TPPP: variants seen among roughly 807,000 people sequenced by gnomAD.
The protein encoded by TPPP is tubulin polymerization-promoting protein.
Under a neutral mutation model 15.5 loss-of-function variants are expected in TPPP, and 6 were observed. That is an observed-to-expected ratio of 0.39 (90% confidence interval 0.21 to 0.77). The LOEUF (loss-of-function observed/expected upper bound fraction) is 0.77. Ranked by LOEUF, TPPP falls within the 30% of genes least tolerant of loss-of-function variation. TPPP has a pLI of 0.42. For missense variants in TPPP, 269 were observed against 307.2 expected (o/e 0.88, Z 0.93); for synonymous variants, 146 against 133.9 (o/e 1.09, Z -0.63).
chr5:700,192 A>G, the TPPP span, among the ~76,000 whole-genome samples: 1 of 152,014 alleles, frequency 6.6e-6, no homozygotes, highest in Non-Finnish European at 1.5e-5. Context: ...GGATGAACCT[A>G]AGCATCCATC....
rs1739834442 is a variant in TPPP at position 665,009 on chromosome 5, C to T, written c.*93G>A. On this transcript the variant is annotated 3_prime_UTR_variant, in exon 4 of 4. Transcript: ENST00000360578. ...CCCCTCTGGGGCACCCGTCTGAGTT[C>T]TGCCCCAGTTAGTACAGGAATGTAA... The T allele has an allele frequency of 6.9e-7, 1 of 1,449,082 alleles. No individual in the cohort carries two copies. Among genetic ancestry groups the T allele is most frequent in the East Asian group, 2.3e-5 (1 of 43,576 alleles). 89.8% of individuals were successfully genotyped at this position (1,449,082 alleles called of 1,614,324 possible).
chr5:683,931 C>G (rs1422332437), intron 1 of TPPP, among the ~76,000 whole-genome samples: 1 of 152,152 alleles, frequency 6.6e-6, no homozygotes, highest in Admixed American at 6.5e-5. Context: ...AGAACCTTTA[C>G]GCCCAAGTCC....
At chr5:685,002 G>A (rs921091034) in intron 1 of TPPP, among the ~76,000 whole-genome samples, 4 of 152,172 alleles carry the variant, frequency 2.6e-5, no homozygotes, top group African/African-American at 9.7e-5. Flanking sequence ...GGCCGGGGCC[G>A]CCCCAGGACA....
chr5:685,226 G>T (rs1468132393), intron 1 of TPPP, among the ~76,000 whole-genome samples: 1 of 152,226 alleles, frequency 6.6e-6, no homozygotes, highest in Non-Finnish European at 1.5e-5. Context: ...CCTGGGCTGA[G>T]GCTCTGCCCC....
intron 1 of TPPP, among the ~76,000 whole-genome samples, chr5:683,497 A>G (rs183291734): frequency 0.014 from 2,177 of 152,180 alleles, 15 homozygotes; most frequent in Middle Eastern, 0.041. Context: ...AGGGATGACA[A>G]TGGGTTCCCT....
intron 2 of TPPP, among the ~76,000 whole-genome samples, chr5:669,101 C>G (rs777402428): frequency 6.6e-6 from 1 of 152,362 alleles, no homozygotes; most frequent in Admixed American, 6.5e-5. Flanking sequence ...CAGACCCTCA[C>G]GCCTCATGGG....
At chr5:694,157 C>G (rs928818589), upstream of TPPP, among the ~76,000 whole-genome samples, 1 of 150,580 alleles carries the variant, frequency 6.6e-6, no homozygotes, top group Non-Finnish European at 1.5e-5. Context: ...GCCCCTCCCC[C>G]GCTCCCCAGA....
At chr5:685,678 C>T (rs918088046) in intron 1 of TPPP, among the ~76,000 whole-genome samples, 1 of 152,258 alleles carries the variant, frequency 6.6e-6, no homozygotes, top group Admixed American at 6.5e-5. Flanking sequence ...CCCTGGTGCC[C>T]TCTGCCTCTG....
chr5:688,456 G>T (rs62330321), intron 1 of TPPP, among the ~76,000 whole-genome samples: 3 of 149,940 alleles, frequency 2.0e-5, no homozygotes, highest in African/African-American at 4.9e-5. Context: ...TCTGGTTAAA[G>T]GTTAAAAACA....
upstream of TPPP, among the ~76,000 whole-genome samples, chr5:696,383 T>A (rs1219022182): frequency 7.1e-6 from 1 of 141,578 alleles, no homozygotes; most frequent in East Asian, 2.0e-4. Flanking sequence ...GTCCCAGCAC[T>A]GAGGTGTCCT....
chr5:664,927 G>A lies in TPPP; in HGVS notation c.*175C>T. 1 of 683,846 alleles carries A rather than the reference G, an allele frequency of 1.5e-6. No individual in the cohort carries two copies. The highest frequency in any genetic ancestry group is 2.4e-6 in the Non-Finnish European group (1 of 412,680). The allele number at this position is 683,846 out of a possible 1,614,324, so 42.4% of individuals were successfully genotyped here. On this transcript the variant is annotated 3_prime_UTR_variant, in exon 4 of 4. Transcript: ENST00000360578. ...AACCTGGTTTGAGAGGGGAGTGCTG[G>A]GGGCATCCGGTAGGAGGAGGGGCAG...
intron 2 of TPPP, among the ~76,000 whole-genome samples, chr5:673,251 T>C (rs751416536): frequency 3.3e-5 from 5 of 152,276 alleles, no homozygotes; most frequent in East Asian, 1.9e-4. Context: ...GTGGCCCTGC[T>C]CCTCTCTCTT....
intron 1 of TPPP, among the ~76,000 whole-genome samples, chr5:682,741 G>A (rs402475): frequency 0.67 from 98,199 of 145,738 alleles, 33,377 homozygotes; most frequent in African/African-American, 0.88. Context: ...CTTGTTCACT[G>A]CCCACGCCCA....
At chr5:669,356 A>G (rs540607495) in intron 2 of TPPP, among the ~76,000 whole-genome samples, 7 of 152,210 alleles carry the variant, frequency 4.6e-5, no homozygotes, top group Non-Finnish European at 1.0e-4. Context: ...TAGCCCCTTG[A>G]CGCGCTCGGC....
At chr5:699,312 A>G in the TPPP span, among the ~76,000 whole-genome samples, 17,733 of 151,030 alleles carry the variant, frequency 0.12, 1,311 homozygotes, top group Non-Finnish European at 0.17. Context: ...GGAACAGAAT[A>G]GAGGACTCAG....
intron 1 of TPPP, among the ~76,000 whole-genome samples, chr5:683,216 C>T (rs949039190): frequency 2.0e-5 from 3 of 152,170 alleles, no homozygotes; most frequent in Non-Finnish European, 4.4e-5. Flanking sequence ...AGGGGTGCAG[C>T]CCCCTCCCCA....
chr5:697,234 C>T (rs1184066485), upstream of TPPP, among the ~76,000 whole-genome samples: 3 of 150,500 alleles, frequency 2.0e-5, no homozygotes, highest in African/African-American at 7.3e-5. Context: ...GGCAGGTGAG[C>T]CTTGCGGCTT....
rs142128231 is a variant in TPPP, at chr5:665,971, G to C, written c.464C>G (p.Thr155Arg). 1 of 1,098,870 alleles carries C rather than the reference G, an allele frequency of 9.1e-7. No individual in the cohort carries two copies. Among genetic ancestry groups the C allele is most frequent in the South Asian group, 1.6e-5 (1 of 62,194 alleles). 68.1% of individuals were successfully genotyped at this position (1,098,870 alleles called of 1,614,324 possible). ...GCCTTCCATCCCCGCCCTGCTCACC[G>C]TCACCCCTGAGATGATGGGCGCCTT... ...EGKAPIISGV[T>R]KAISSPTVSR... The change falls in exon 3 of 4, where the codon ACG becomes AGG. Residue 155 changes from threonine to arginine, a missense_variant and splice_region_variant. By Grantham distance (71) the Thr-to-Arg change is moderately conservative (BLOSUM62 -1). Coordinates refer to ENST00000360578, the MANE Select transcript of TPPP (RefSeq NM_007030.3).
At chr5:673,017 CTT>C (rs1740276922) in intron 2 of TPPP, among the ~76,000 whole-genome samples, 3 of 152,206 alleles carry the variant, frequency 2.0e-5, no homozygotes, top group South Asian at 2.1e-4. Context: ...AATCGGTAGA[CTT>C]TTTCTCCACA....
Sources: gnomAD v4.1 joint callset for allele counts (sites outside exome capture counted in the v4.1 genomes callset) on GRCh38, gnomAD v4.1.1 for gene constraint, MANE v1.5 for transcripts, NCBI Gene and HGNC (gene_info 2026-07-23, HGNC 2026-07-21) for gene names.